The following TMEM94 variants were observed in gnomAD, a reference collection of about 807,000 sequenced individuals.
The protein encoded by TMEM94 is transmembrane protein 94.
Under a neutral mutation model 158.6 loss-of-function variants are expected in TMEM94, and 81 were observed. The ratio of observed to expected loss-of-function variants is 0.51; its 90% CI spans 0.43 to 0.61. The LOEUF is 0.61. Ranked by LOEUF, TMEM94 falls within the 20% of genes least tolerant of loss-of-function variation. The pLI is 0.00. For missense variants in TMEM94, 1,435 were observed against 1,762.0 expected (o/e 0.81, Z 3.32); for synonymous variants, 751 against 730.7 (o/e 1.03, Z -0.45).
At chr17:75,478,165 G>A (rs1299256201) in intron 2 of TMEM94, among the ~76,000 whole-genome samples, 4 of 84,334 alleles carry the variant, frequency 4.7e-5, no homozygotes, top group Non-Finnish European at 7.2e-5. Context: ...ACAGGCGCCC[G>A]CCACTACGCC....
chr17:75,497,806 C>G lies in TMEM94; in HGVS notation c.3433C>G (p.His1145Asp), dbSNP rs1447735412. 1.2e-6 allele frequency: 2 copies of G among 1,613,870 alleles called. No individual in the cohort carries two copies. Among genetic ancestry groups the G allele is most frequent in the Admixed American group, 1.7e-5 (1 of 60,002 alleles). Residue 1145 changes from histidine (H) to aspartate (D), a missense_variant, in exon 27 of 32, where the codon CAT becomes GAT. Physicochemically the swap from His to Asp is moderately conservative, Grantham distance 81. Around this residue, in one of 3 missense-constraint regions of TMEM94, gnomAD observed 335 missense variants for 409.1 expected, o/e 0.82. Transcript: ENST00000314256. ...CATCTCTCTGCTGGGGAAGCCCCCC[C>G]ATAGCTCCATCATGTCTATGGCAAC... ...LSISLLGKPP[H>D]SSIMSMATGK...
chr17:75,488,637 T>A, intron 6 of TMEM94, 122 bp from the exon 7 acceptor site: 1 of 1,154,270 alleles, frequency 8.7e-7, no homozygotes. Context: ...CCTGTCCCAG[T>A]GGACTCTGGG....
intron 10 of TMEM94, 55 bp downstream of exon 10, chr17:75,490,405 GCT>G: frequency 6.3e-7 from 1 of 1,580,554 alleles, no homozygotes; most frequent in Non-Finnish European, 8.6e-7. Flanking sequence ...GAGGGAGCTG[GCT>G]GTGCCAGAGG....
chr17:75,496,559 G>A, intron 24 of TMEM94, 88 bp downstream of exon 24: 1 of 1,486,184 alleles, frequency 6.7e-7, no homozygotes, highest in Non-Finnish European at 9.3e-7. Flanking sequence ...TTTGAACCCG[G>A]GGACCTCATT....
intron 1 of TMEM94, among the ~76,000 whole-genome samples, chr17:75,462,024 T>TTTTTTTTTA (rs2050096767): frequency 7.2e-6 from 1 of 139,668 alleles, no homozygotes; most frequent in East Asian, 2.0e-4. Context: ...TTTTTTTTTT[T>TTTTTTTTTA]TGAGGCAGAG....
At chr17:75,460,502 T>A (rs1472101842) in intron 1 of TMEM94, among the ~76,000 whole-genome samples, 1 of 150,924 alleles carries the variant, frequency 6.6e-6, no homozygotes, top group Non-Finnish European at 1.5e-5. Context: ...AAAATCAGAA[T>A]CAGGAGCTGC....
Position 75,491,189 on chromosome 17 carries a change from A to T in TMEM94, c.1233+36A>T. 1.3e-6 allele frequency: 2 copies of T among 1,593,656 alleles called. No homozygotes were observed. Among genetic ancestry groups the T allele is most frequent in the Non-Finnish European group, 1.7e-6 (2 of 1,166,934 alleles). On this transcript the variant is annotated intron_variant, in intron 12 of 31. Coordinates refer to ENST00000314256, the MANE Select transcript of TMEM94 (RefSeq NM_014738.6). This position sits in a 1 kb window ranked among gnomAD's most constrained non-coding sequence, Gnocchi z 5.1. ...GCCTTGCGGGGAGGAGGCAACTGTCATGCCCGCCCTGCTCTCTGGCTGGGC... is the reference window on the plus strand; with the variant it reads ...GCCTTGCGGGGAGGAGGCAACTGTCTTGCCCGCCCTGCTCTCTGGCTGGGC...
rs1309000529 is a variant in TMEM94 at position 75,492,556 on chromosome 17, A to G, written c.1679A>G (p.Gln560Arg). The change falls in exon 15 of 32, where the codon CAG becomes CGG. Residue 560 changes from glutamine to arginine, a missense_variant. Physicochemically the swap from Gln to Arg is conservative, Grantham distance 43. Transcript: ENST00000314256. The surrounding 1 kb of genome is among the most constrained non-coding windows in gnomAD (Gnocchi z 4.4). ...CACCTGGAGATGCTGAGCCTGTCCC[A>G]GGACCAGCAGAACCCCTCCTGCATC... is the stretch of plus-strand genomic sequence containing the variant. ...DYHLEMLSLS[Q>R]DQQNPSCIQF... 6.2e-7 allele frequency: 1 copy of G among 1,614,006 alleles called. No homozygotes were observed. The highest frequency in any genetic ancestry group is 1.1e-5 in the South Asian group (1 of 91,076).
In TMEM94 at chr17:75,485,015, G is replaced by A. The variant is rs753290811; in HGVS notation, c.25-413G>A. ...ATCGTGCCACTGCACTCCAGCCTAG[G>A]AGACTAAGCAAGACTCTATCTAAAA... On this transcript the variant is annotated intron_variant, in intron 2 of 31. Transcript: ENST00000314256. This position sits in a 1 kb window ranked among gnomAD's most constrained non-coding sequence, Gnocchi z 5.5. 6.6e-6 allele frequency among the ~76,000 whole-genome samples: 1 copy of A among 151,198 alleles called. No homozygotes were observed. The highest frequency in any genetic ancestry group is 1.5e-5 in the Non-Finnish European group (1 of 67,886).
chr17:75,499,162 C>A lies in TMEM94; in HGVS notation c.3998+80C>A, dbSNP rs968617847. 2.7e-5 allele frequency: 43 copies of A among 1,587,724 alleles called. No homozygotes were observed. In the African/African-American group the frequency reaches 5.1e-4, roughly 19 times the overall value. ...TTACTCCCTTGGCGACACTCCCCCA[C>A]CTTTCCGCTGCCCATCCCTCCCTCC... is the stretch of plus-strand genomic sequence containing the variant. On this transcript the variant is annotated intron_variant, in intron 31 of 31. Transcript: ENST00000314256.
Position 75,492,082 on chromosome 17 carries a change from C to T in TMEM94, c.1596+182C>T. ...CAAGTCTGCTGCGAAGTAGGTGGAG[C>T]CTCCCCCTACCCTTCCATTCTTGTA... On this transcript the variant is annotated intron_variant, in intron 14 of 31. Transcript: ENST00000314256. The surrounding 1 kb of genome is among the most constrained non-coding windows in gnomAD (Gnocchi z 4.4). The T allele has an allele frequency of 1.3e-6, 1 of 763,306 alleles. No homozygotes were observed. Among genetic ancestry groups the T allele is most frequent in the Non-Finnish European group, 2.1e-6 (1 of 480,470 alleles). The allele number at this position is 763,306 out of a possible 1,614,324, so 47.3% of individuals were successfully genotyped here. A position where few individuals can be genotyped will look rare whatever the true frequency, so the allele number is the denominator to read the frequency against.
chr17:75,482,693 G>T (rs945237635), intron 2 of TMEM94, among the ~76,000 whole-genome samples: 1 of 152,186 alleles, frequency 6.6e-6, no homozygotes, highest in African/African-American at 2.4e-5. Flanking sequence ...TCCCGATTAA[G>T]GTGAAGCCTT....
Position 75,489,027 on chromosome 17 carries a change from T to TA in TMEM94, c.764+118dup. 1 of 1,125,754 alleles carries TA rather than the reference T, an allele frequency of 8.9e-7. No individual in the cohort carries two copies. Among genetic ancestry groups the TA allele is most frequent in the Non-Finnish European group, 1.3e-6 (1 of 781,576 alleles). The allele number at this position is 1,125,754 out of a possible 1,614,324, so 69.7% of individuals were successfully genotyped here. A position where few individuals can be genotyped will look rare whatever the true frequency, so the allele number is the denominator to read the frequency against. ...GTTCTCTTGAGGGCAGGCATCTCCTTAGGCTCCTGTCCTTAACATCTTGTG... is the reference window on the plus strand; with the variant it reads ...GTTCTCTTGAGGGCAGGCATCTCCTTAAGGCTCCTGTCCTTAACATCTTGTG... On this transcript the variant is annotated intron_variant, in intron 7 of 31. Transcript: ENST00000314256. The surrounding 1 kb of genome is among the most constrained non-coding windows in gnomAD (Gnocchi z 5.0).
chr17:75,459,076 A>G (rs2049986648), intron 1 of TMEM94, among the ~76,000 whole-genome samples: 1 of 148,710 alleles, frequency 6.7e-6, no homozygotes, highest in Non-Finnish European at 1.5e-5. Context: ...AAAACAAAAA[A>G]AACAAAAACA....
At chr17:75,496,679 T>C (rs2146873841) in intron 24 of TMEM94, 51 bp from the exon 25 acceptor site, 1 of 1,573,606 alleles carries the variant, frequency 6.4e-7, no homozygotes, top group Middle Eastern at 1.7e-4. Context: ...CTGTTGGGCC[T>C]GGGAGAGGCC....
At position 75,490,288 on chromosome 17, in the gene TMEM94, G is replaced by A. The variant is rs778280036; in HGVS notation, c.1009G>A (p.Ala337Thr). 5.0e-6 allele frequency: 8 copies of A among 1,614,082 alleles called. No homozygotes were observed. The highest frequency in any genetic ancestry group is 6.8e-6 in the Non-Finnish European group (8 of 1,180,020). ...PLLFPVLWVL[A>T]TACGEARVLA... ...GCTCTTTCCAGTCCTCTGGGTTCTG[G>A]CAACTGCCTGTGGAGAGGCCCGTGT... Residue 337 changes from alanine to threonine, a missense_variant, in exon 10 of 32, where the codon GCA (alanine) becomes ACA (threonine). By Grantham distance (58) the Ala-to-Thr change is moderately conservative. Coordinates refer to ENST00000314256, the MANE Select transcript of TMEM94 (RefSeq NM_014738.6).
At position 75,496,143 on chromosome 17, in the gene TMEM94, C is replaced by A. The variant is rs1375865941; in HGVS notation, c.3053+69C>A. 3 of 1,508,258 alleles carry A rather than the reference C, an allele frequency of 2.0e-6. No homozygotes were observed. In the South Asian group the frequency reaches 3.5e-5, roughly 17 times the overall value. The allele number at this position is 1,508,258 out of a possible 1,614,324, so 93.4% of individuals were successfully genotyped here. A position where few individuals can be genotyped will look rare whatever the true frequency, so the allele number is the denominator to read the frequency against. On this transcript the variant is annotated intron_variant, in intron 23 of 31. Coordinates refer to ENST00000314256, the MANE Select transcript of TMEM94 (RefSeq NM_014738.6). ...CAGACCGGAGGATCAGATGGGCCTG[C>A]GTGGGGCTGGGGGTGTGTACTATAG...
At chr17:75,476,453 C>T in intron 2 of TMEM94, 1 of 1,334,766 alleles carries the variant, frequency 7.5e-7, no homozygotes, top group Non-Finnish European at 9.7e-7. Context: ...AGGGCTGCTG[C>T]CTCCTCCTCC....
At position 75,488,818 on chromosome 17, in the gene TMEM94, C is replaced by G; in HGVS notation, c.672C>G (p.Pro224=). ...TCTTCCCCCCCTTCTCCCCTCCACCCTCACCCCGGGGAGAAGTGGAGAGAG... is the reference window on the plus strand; with the variant it reads ...TCTTCCCCCCCTTCTCCCCTCCACCGTCACCCCGGGGAGAAGTGGAGAGAG... ...GDLFPPFSPP[P]SPRGEVERGP... The change falls in exon 7 of 32, where the codon CCC becomes CCG. Residue 224 remains proline, a synonymous_variant. Transcript: ENST00000314256. 1 of 1,613,028 alleles carries G rather than the reference C, an allele frequency of 6.2e-7. No homozygotes were observed. The highest frequency in any genetic ancestry group is 8.5e-7 in the Non-Finnish European group (1 of 1,179,360).
Sources: gnomAD v4.1 joint callset for allele counts (sites outside exome capture counted in the v4.1 genomes callset) on GRCh38, gnomAD v4.1.1 for gene constraint, gnomAD v4.1.1 regional missense constraint, Gnocchi (gnomAD v3.1) non-coding constraint, MANE v1.5 for transcripts, NCBI Gene and HGNC (gene_info 2026-07-23, HGNC 2026-07-21) for gene names.